The following TYW1 variants were observed in gnomAD, a reference collection of about 807,000 sequenced individuals.
The protein encoded by TYW1 is tRNA-yW synthesizing protein 1 homolog.
In TYW1, 46 loss-of-function variants were observed where a neutral mutation model predicts 96.2. That is an observed-to-expected ratio of 0.48 (90% CI 0.38 to 0.61). TYW1 has a LOEUF of 0.61. Among genes scored for constraint, TYW1 ranks in the 20% least tolerant of loss-of-function variants. TYW1 has a pLI of 0.00. For missense variants in TYW1, 684 were observed against 909.6 expected, an observed-to-expected ratio of 0.75 and a Z score of 3.19; for synonymous variants, 274 against 323.0, an observed-to-expected ratio of 0.85 and a Z score of 1.63.
chr7:67,210,809 G>A (rs1386986819), intron 15 of TYW1, among the ~76,000 whole-genome samples: 3 of 128,422 alleles, frequency 2.3e-5, no homozygotes, highest in Non-Finnish European at 5.0e-5. Flanking sequence ...GTGTCTATCT[G>A]TCCAGCTAAT....
intron 14 of TYW1, among the ~76,000 whole-genome samples, chr7:67,194,917 G>A (rs1361440707): frequency 2.8e-5 from 4 of 144,708 alleles, no homozygotes; most frequent in East Asian, 1.9e-4. Context: ...TTGCGACAAC[G>A]GTAGAAAGCG....
chr7:67,054,054 A>G (rs187163800), intron 8 of TYW1, among the ~76,000 whole-genome samples: 169 of 152,280 alleles, frequency 1.1e-3, no homozygotes, highest in African/African-American at 3.9e-3. Flanking sequence ...TCCTATCTCT[A>G]TGGGATCACC....
intron 3 of TYW1, among the ~76,000 whole-genome samples, chr7:67,000,545 C>T (rs1222864986): frequency 1.3e-5 from 2 of 152,048 alleles, no homozygotes; most frequent in Admixed American, 6.6e-5. Context: ...ATGAGCCACC[C>T]GCCTCAGCCT....
rs182354321 is a variant in TYW1 at position 67,157,497 on chromosome 7, G to A, written c.1699-25629G>A. On this transcript the variant is annotated intron_variant, in intron 13 of 15. Coordinates refer to ENST00000359626, the MANE Select transcript of TYW1 (RefSeq NM_018264.4). ...GATGGGGTTCCACTATATTGGCCAG[G>A]CTGGTCTTGAACTCCTGACATCAGG... 8.6e-4 allele frequency among the ~76,000 whole-genome samples: 131 copies of A among 152,236 alleles called. 1 individual carries two copies. Among genetic ancestry groups the A allele is most frequent in the Admixed American group, 4.3e-3 (65 of 15,290 alleles).
chr7:67,063,867 G>T lies in TYW1; in HGVS notation c.1156-3418G>T, dbSNP rs181474794. Among the ~76,000 whole-genome samples, 717 of 131,666 alleles carry T rather than the reference G, an allele frequency of 5.4e-3. 2 individuals carry two copies. The highest frequency in any genetic ancestry group is 0.02 in the African/African-American group (684 of 34,522). 86.4% of individuals were successfully genotyped at this position (131,666 alleles called of 152,430 possible). A position where few individuals can be genotyped will look rare whatever the true frequency, so the allele number is the denominator to read the frequency against. On this transcript the variant is annotated intron_variant, in intron 9 of 15. Transcript: ENST00000359626. Reference sequence around the variant, plus strand: ...TCCGCCCACCTCAGCCTCCCAAAGTGCTGGATTACAGGCGTGAGCCACTGT... The same window carrying T: ...TCCGCCCACCTCAGCCTCCCAAAGTTCTGGATTACAGGCGTGAGCCACTGT...
Position 67,238,446 on chromosome 7 carries a change from T to C in TYW1, c.2116T>C (p.Phe706Leu). 1 of 1,613,928 alleles carries C rather than the reference T, an allele frequency of 6.2e-7. No homozygotes were observed. The highest frequency in any genetic ancestry group is 8.5e-7 in the Non-Finnish European group (1 of 1,179,860). Residue 706 changes from phenylalanine (F) to leucine (L), a missense_variant, in exon 16 of 16, where the codon TTT becomes CTT. By Grantham distance (22) the Phe-to-Leu change is conservative. Transcript: ENST00000359626. ...YMARTPHWALFGASERGFDPK... is the reference protein window; with the variant it reads ...YMARTPHWALLGASERGFDPK... The stretch of plus-strand genomic sequence containing the variant: ...GGCCAGAACTCCTCACTGGGCATTA[T>C]TTGGTGCCAGTGAAAGAGGCTTTGA...
intron 15 of TYW1, among the ~76,000 whole-genome samples, chr7:67,198,545 C>G (rs955562689): frequency 2.3e-5 from 3 of 128,338 alleles, no homozygotes; most frequent in African/African-American, 9.7e-5. Context: ...GGTGAGACTC[C>G]ATCTCAAAAA....
At chr7:67,110,959 C>T (rs778907292) in intron 12 of TYW1, among the ~76,000 whole-genome samples, 3 of 152,116 alleles carry the variant, frequency 2.0e-5, no homozygotes, top group African/African-American at 4.8e-5. Flanking sequence ...GAGCCATGAT[C>T]ATGCCACTGC....
At position 67,224,573 on chromosome 7, in the gene TYW1, T is replaced by C. The variant is rs557764830; in HGVS notation, c.1978-13735T>C. On this transcript the variant is annotated intron_variant, in intron 15 of 15. Coordinates refer to ENST00000359626, the MANE Select transcript of TYW1 (RefSeq NM_018264.4). ...TTCTTTTTTCTCCCCAAAACATCTT[T>C]ATTTCACTTTCTTGAATAATAGATC... 4.6e-5 allele frequency among the ~76,000 whole-genome samples: 7 copies of C among 152,386 alleles called. No individual in the cohort carries two copies. In the East Asian group the frequency reaches 1.2e-3, roughly 25 times the overall value.
At chr7:67,035,710 C>T (rs555518786) in intron 7 of TYW1, among the ~76,000 whole-genome samples, 160 of 151,996 alleles carry the variant, frequency 1.1e-3, no homozygotes, top group Middle Eastern at 6.8e-3. Context: ...ATGGAGTCTT[C>T]CTCTGTTGCC....
intron 12 of TYW1, among the ~76,000 whole-genome samples, chr7:67,117,135 TC>T (rs1456815812): frequency 2.5e-4 from 38 of 152,308 alleles, no homozygotes; most frequent in African/African-American, 8.9e-4. Flanking sequence ...GGAAGTTAGA[TC>T]AGAGAGCCCC....
chr7:67,187,271 C>T (rs143916512), intron 14 of TYW1, among the ~76,000 whole-genome samples: 6,183 of 152,058 alleles, frequency 0.041, 188 homozygotes, highest in Middle Eastern at 0.099. Context: ...GCCATGTTGC[C>T]CAGGCTGGTC....
chr7:67,200,634 C>T (rs1189306501), intron 15 of TYW1, among the ~76,000 whole-genome samples: 1 of 152,096 alleles, frequency 6.6e-6, no homozygotes, highest in Non-Finnish European at 1.5e-5. Context: ...GGGACACAGT[C>T]AAACCATATC....
chr7:67,120,699 G>A (rs924819184), intron 13 of TYW1, among the ~76,000 whole-genome samples: 6 of 152,150 alleles, frequency 3.9e-5, no homozygotes, highest in Non-Finnish European at 8.8e-5. Context: ...CTTTGAGTAT[G>A]GAAGATGACA....
intron 3 of TYW1, among the ~76,000 whole-genome samples, chr7:67,005,873 T>TCTC (rs1793563002): frequency 6.6e-6 from 1 of 152,078 alleles, no homozygotes. Context: ...TCTTACCCCA[T>TCTC]CTCCTTGGTT....
chr7:67,083,398 G>A (rs1796442849), intron 10 of TYW1, 32 bp from the exon 11 acceptor site: 2 of 1,603,336 alleles, frequency 1.2e-6, no homozygotes, highest in Non-Finnish European at 1.7e-6. Flanking sequence ...TATTACAGAA[G>A]GGTCTTTTAG....
intron 15 of TYW1, among the ~76,000 whole-genome samples, chr7:67,231,930 TAAA>T (rs1232671555): frequency 7.1e-4 from 106 of 150,220 alleles, no homozygotes; most frequent in Non-Finnish European, 7.8e-4. Context: ...TCTTTAATAT[TAAA>T]AAAAAAATCT....
At chr7:67,192,958 G>A (rs750987327) in intron 14 of TYW1, among the ~76,000 whole-genome samples, 1 of 152,196 alleles carries the variant, frequency 6.6e-6, no homozygotes, top group African/African-American at 2.4e-5. Flanking sequence ...GATCATGCTT[G>A]CTTGTGGTTT....
At chr7:67,009,086 T>C (rs1793699700) in intron 3 of TYW1, among the ~76,000 whole-genome samples, 1 of 152,198 alleles carries the variant, frequency 6.6e-6, no homozygotes, top group Non-Finnish European at 1.5e-5. Flanking sequence ...CGTAGCTCAC[T>C]GTATCCTCTA....
Sources: allele counts gnomAD v4.1 joint callset (sites outside exome capture counted in the v4.1 genomes callset), GRCh38; gene constraint gnomAD v4.1.1; transcripts MANE v1.5; gene names NCBI Gene and HGNC (gene_info 2026-07-23, HGNC 2026-07-21).